Variants in STARD3 observed in about 807,000 individuals in gnomAD.
The protein encoded by STARD3 is stAR-related lipid transfer protein 3.
A neutral mutation model predicts 62.0 loss-of-function variants in STARD3; 39 were observed. The observed-to-expected ratio is 0.63, with a 90% CI of 0.49 to 0.82. The LOEUF (loss-of-function observed/expected upper bound fraction) is 0.82, where lower values mean the gene tolerates loss of function less well. Ranked by LOEUF, STARD3 falls within the 40% of genes least tolerant of loss-of-function variation. STARD3 has a pLI of 0.00. For missense variants in STARD3, 543 were observed against 584.5 expected (o/e 0.93, Z 0.73); for synonymous variants, 229 against 242.4 (o/e 0.94, Z 0.51).
rs749828666 is a variant in STARD3, at chr17:39,662,841, C to G, written c.1271C>G (p.Ala424Gly). 2 of 1,612,254 alleles carry G rather than the reference C, an allele frequency of 1.2e-6. No homozygotes were observed. Among genetic ancestry groups the G allele is most frequent in the Non-Finnish European group, 8.5e-7 (1 of 1,179,366 alleles). Residue 424 changes from alanine (A) to glycine (G), a missense_variant, in exon 15 of 15, where the codon GCG (alanine) becomes GGG (glycine). Transcript: ENST00000336308. ...CGGTACCTCATCCACCAGAGCCTCG[C>G]GGCCACCATGTTTGAATTTGCCTTT... Reference protein sequence around the residue: ...LPRYLIHQSLAATMFEFAFHL... With the variant: ...LPRYLIHQSLGATMFEFAFHL...
intron 1 of STARD3, among the ~76,000 whole-genome samples, chr17:39,647,596 C>T (rs763475169): frequency 3.3e-5 from 5 of 152,160 alleles, no homozygotes; most frequent in South Asian, 4.1e-4. Context: ...TTCCACGCCA[C>T]GGTGGGTTTT....
intron 1 of STARD3, among the ~76,000 whole-genome samples, chr17:39,638,895 C>T (rs2056959282): frequency 6.6e-6 from 1 of 152,156 alleles, no homozygotes; most frequent in Non-Finnish European, 1.5e-5. Flanking sequence ...AATCCTAGTA[C>T]TTTGGGAGGC....
chr17:39,645,766 C>T (rs1290730968), intron 1 of STARD3, among the ~76,000 whole-genome samples: 2 of 151,774 alleles, frequency 1.3e-5, no homozygotes, highest in Non-Finnish European at 2.9e-5. Flanking sequence ...CCCCATCTTA[C>T]CCGAAAAGTC....
chr17:39,638,469 C>T (rs1255351610), intron 1 of STARD3, among the ~76,000 whole-genome samples: 2 of 152,222 alleles, frequency 1.3e-5, no homozygotes, highest in African/African-American at 4.8e-5. Flanking sequence ...CATGCCTACC[C>T]TTGCTGTTCG....
At chr17:39,659,581 C>T (rs907287798) in intron 9 of STARD3, 28 bp downstream of exon 9, 3 of 1,605,772 alleles carry the variant, frequency 1.9e-6, no homozygotes, top group Non-Finnish European at 2.6e-6. Context: ...ACCTGACCTT[C>T]CCATGCGTGT....
In STARD3 at chr17:39,662,662, G is replaced by T. The variant is rs1028528490; in HGVS notation, c.1234-142G>T. 1.3e-5 allele frequency: 10 copies of T among 762,608 alleles called. No individual in the cohort carries two copies. The African/African-American group carries it at 1.4e-4, about 11-fold the overall frequency. The allele number at this position is 762,608 out of a possible 1,614,324, so 47.2% of individuals were successfully genotyped here. A position where few individuals can be genotyped will look rare whatever the true frequency, so the allele number is the denominator to read the frequency against. The stretch of plus-strand genomic sequence containing the variant: ...GCCCAGCATGTTCTTCCTGCCAGGG[G>T]TGAGTGGGAGAGGGCGACCCAGGCT... On this transcript the variant is annotated intron_variant, in intron 14 of 14. Coordinates refer to ENST00000336308, the MANE Select transcript of STARD3 (RefSeq NM_006804.4).
chr17:39,656,894 A>T (rs1366299615), intron 2 of STARD3, 114 bp from the exon 3 acceptor site: 3 of 1,022,468 alleles, frequency 2.9e-6, no homozygotes, highest in Non-Finnish European at 3.0e-6. Flanking sequence ...CTTAGCATCA[A>T]CAGCCTCCCC....
In STARD3 at chr17:39,663,108, A is replaced by G. The variant is rs1208124016; in HGVS notation, c.*200A>G. ...TGGACTCCGGGGCCCCACTGGCTGGAGGAAGTGGGGTCTGGCCTGTTGATG... is the reference window on the plus strand; with the variant it reads ...TGGACTCCGGGGCCCCACTGGCTGGGGGAAGTGGGGTCTGGCCTGTTGATG... On this transcript the variant is annotated 3_prime_UTR_variant, in exon 15 of 15. Transcript: ENST00000336308. The G allele has an allele frequency of 3.8e-6, 2 of 522,846 alleles. No individual in the cohort carries two copies. The highest frequency in any genetic ancestry group is 6.6e-6 in the Non-Finnish European group (2 of 302,120). 32.4% of individuals were successfully genotyped at this position (522,846 alleles called of 1,614,324 possible).
intron 1 of STARD3, among the ~76,000 whole-genome samples, chr17:39,648,776 G>A (rs941413260): frequency 6.6e-6 from 1 of 152,134 alleles, no homozygotes; most frequent in Non-Finnish European, 1.5e-5. Context: ...ACTCTCCCGG[G>A]CTCCCGCAAC....
At chr17:39,654,338 G>A (rs1187372724) in intron 2 of STARD3, among the ~76,000 whole-genome samples, 2 of 152,168 alleles carry the variant, frequency 1.3e-5, no homozygotes, top group Non-Finnish European at 2.9e-5. Context: ...GAAGTCTGAG[G>A]CTGCAGTGAC....
intron 14 of STARD3, 107 bp downstream of exon 14, chr17:39,662,451 C>T (rs2057210916): frequency 9.1e-7 from 1 of 1,099,026 alleles, no homozygotes; most frequent in East Asian, 2.5e-5. Context: ...CCTGGGCCTC[C>T]CCTTTGTCAG....
intron 4 of STARD3, 45 bp downstream of exon 4, chr17:39,657,897 G>A (rs756317251): frequency 6.2e-7 from 1 of 1,613,782 alleles, no homozygotes. Flanking sequence ...TGGCAGGGCT[G>A]GTGGAAGGGA....
Position 39,659,587 on chromosome 17 carries a change from C to T in STARD3, c.795+34C>T, listed in dbSNP as rs747968774. ...CCCTCTCCCACCTGACCTTCCCATG[C>T]GTGTTAGGAGTTTCTGTTCTCTTTT... On this transcript the variant is annotated intron_variant, in intron 9 of 14. Transcript: ENST00000336308. 23 of 1,598,084 alleles carry T rather than the reference C, an allele frequency of 1.4e-5. No individual in the cohort carries two copies. Among genetic ancestry groups the T allele is most frequent in the East Asian group, 4.5e-5 (2 of 44,812 alleles).
Position 39,653,709 on chromosome 17 carries a change from G to A in STARD3, c.178G>A (p.Asp60Asn), listed in dbSNP as rs749582349. ...RRTFCLFVTF[D>N]LLFISLLWII... ...CACCTTCTGTCTCTTCGTCACCTTC[G>A]ACCTGCTCTTCATCTCCCTGCTCTG... The change falls in exon 2 of 15, where the codon GAC becomes AAC. Residue 60 changes from aspartate to asparagine, a missense_variant. Asp to Asn is a conservative substitution (Grantham distance 23, BLOSUM62 1). Coordinates refer to ENST00000336308, the MANE Select transcript of STARD3 (RefSeq NM_006804.4). 2.5e-6 allele frequency: 4 copies of A among 1,614,136 alleles called. No individual in the cohort carries two copies. Among genetic ancestry groups the A allele is most frequent in the Middle Eastern group, 1.6e-4 (1 of 6,062 alleles).
intron 1 of STARD3, among the ~76,000 whole-genome samples, chr17:39,646,664 A>C (rs914751517): frequency 3.3e-5 from 5 of 152,148 alleles, no homozygotes; most frequent in Non-Finnish European, 7.3e-5. Flanking sequence ...CCATGACCTT[A>C]GAGTCCATTC....
chr17:39,661,210 C>G, intron 13 of STARD3, 125 bp downstream of exon 13: 1 of 806,484 alleles, frequency 1.2e-6, no homozygotes, highest in Non-Finnish European at 2.0e-6. Flanking sequence ...TTCCCTGTCC[C>G]GCTGGGCTCT....
intron 5 of STARD3, 153 bp from the exon 6 acceptor site, chr17:39,658,252 G>A (rs1353942591): frequency 1.2e-6 from 1 of 844,868 alleles, no homozygotes. Flanking sequence ...CCTAACCCCA[G>A]TTTATCCTGC....
At chr17:39,646,710 T>A (rs891395393) in intron 1 of STARD3, among the ~76,000 whole-genome samples, 5 of 152,200 alleles carry the variant, frequency 3.3e-5, no homozygotes, top group Non-Finnish European at 7.3e-5. Context: ...CTGTTTGTCC[T>A]GAGTCCAGGA....
At position 39,660,176 on chromosome 17, in the gene STARD3, ACT is replaced by A. The variant is rs2057179462; in HGVS notation, c.796-31_796-30del. On this transcript the variant is annotated intron_variant, in intron 9 of 14. Coordinates refer to ENST00000336308, the MANE Select transcript of STARD3 (RefSeq NM_006804.4). The surrounding 1 kb of genome is among the most constrained non-coding windows in gnomAD (Gnocchi z 4.8). ...TGCCACCAGCCCACCCCCTGCCTCC[ACT>A]CTCCTCCCTGCCACCTTCTGTCCCT... 1.2e-6 allele frequency: 2 copies of A among 1,610,540 alleles called. No individual in the cohort carries two copies. The highest frequency in any genetic ancestry group is 1.7e-6 in the Non-Finnish European group (2 of 1,178,288).
Sources: gnomAD v4.1 joint callset for allele counts (sites outside exome capture counted in the v4.1 genomes callset) on GRCh38, gnomAD v4.1.1 for gene constraint, Gnocchi (gnomAD v3.1) non-coding constraint, MANE v1.5 for transcripts, NCBI Gene and HGNC (gene_info 2026-07-23, HGNC 2026-07-21) for gene names.